Variants in VAV2 observed in about 807,000 individuals in gnomAD.
The protein encoded by VAV2 is vav guanine nucleotide exchange factor 2.
VAV2 carries 67 observed loss-of-function variants against 132.5 expected under a neutral mutation model. The ratio of observed to expected loss-of-function variants is 0.51; its 90% confidence interval spans 0.42 to 0.62. The LOEUF (loss-of-function observed/expected upper bound fraction) is 0.62, where lower values mean the gene tolerates loss of function less well. VAV2 is among the 20% of genes least tolerant of loss of function. VAV2 has a pLI of 0.00. For synonymous variants in VAV2, 492 were observed against 443.5 expected, an observed-to-expected ratio of 1.11 and a Z score of -1.37; for missense variants, 938 against 1,153.6, an observed-to-expected ratio of 0.81 and a Z score of 2.71.
chr9:133,894,965 C>A (rs946809952), intron 2 of VAV2, among the ~76,000 whole-genome samples: 1 of 152,296 alleles, frequency 6.6e-6, no homozygotes, highest in Non-Finnish European at 1.5e-5. Context: ...ATCGGTGTCA[C>A]CGCTGTTGAC....
intron 2 of VAV2, among the ~76,000 whole-genome samples, chr9:133,866,199 T>C (rs879908798): frequency 1.1e-4 from 17 of 152,300 alleles, no homozygotes; most frequent in Admixed American, 1.1e-3. Context: ...CCTCTTTCTG[T>C]CTTTGACATC....
At chr9:133,778,052 G>C (rs1246425696) in intron 22 of VAV2, among the ~76,000 whole-genome samples, 1 of 152,150 alleles carries the variant, frequency 6.6e-6, no homozygotes, top group African/African-American at 2.4e-5. Context: ...CTGGGGGTCT[G>C]AGTCCTTGGC....
At chr9:133,975,218 T>C (rs1443018148) in intron 1 of VAV2, among the ~76,000 whole-genome samples, 1 of 148,912 alleles carries the variant, frequency 6.7e-6, no homozygotes, top group Admixed American at 6.7e-5. Flanking sequence ...ACCCCCGCCA[T>C]GTCCATGGCC....
chr9:133,944,240 G>A (rs571040163), intron 1 of VAV2, among the ~76,000 whole-genome samples: 1 of 152,268 alleles, frequency 6.6e-6, no homozygotes, highest in East Asian at 1.9e-4. Context: ...GCCTATGTGG[G>A]CCCTTCCACT....
Position 133,763,889 on chromosome 9 carries a change from TGA to T in VAV2, c.*171_*172del. The T allele has an allele frequency of 2.6e-6, 2 of 759,558 alleles. No homozygotes were observed. The highest frequency in any genetic ancestry group is 4.3e-6 in the Non-Finnish European group (2 of 463,484). The allele number at this position is 759,558 out of a possible 1,614,324, so 47.1% of individuals were successfully genotyped here. A position where few individuals can be genotyped will look rare whatever the true frequency, so the allele number is the denominator to read the frequency against. ...CAGTGATGGGTCGCCGAGGGCAGGC[TGA>T]CAGTGAAACGGTTCGAGTTTAGGAT... On this transcript the variant is annotated 3_prime_UTR_variant, in exon 30 of 30. Coordinates refer to ENST00000371850, the MANE Select transcript of VAV2 (RefSeq NM_001134398.2). This position sits in a 1 kb window ranked among gnomAD's most constrained non-coding sequence, Gnocchi z 6.8.
chr9:133,797,712 C>T lies in VAV2; in HGVS notation c.934G>A (p.Glu312Lys), dbSNP rs568453790. Residue 312 changes from glutamate (E) to lysine (K), a missense_variant and splice_region_variant, in exon 10 of 30, where the codon GAG (glutamate) becomes AAG (lysine). Coordinates refer to ENST00000371850, the MANE Select transcript of VAV2 (RefSeq NM_001134398.2). ...GGCCAACGCCTGGCAGGACTTACCT[C>T]GACTTTCTGCCTGAAGTCCTCCCGG... ...ASREDFRQKV[E>K]ECTLKVQDGK... 2.5e-5 allele frequency: 41 copies of T among 1,613,610 alleles called. No individual in the cohort carries two copies. The Admixed American group carries it at 2.8e-4, about 11-fold the overall frequency.
rs1410411263 is a variant in VAV2 at position 133,788,333 on chromosome 9, G to A, written c.1407+21C>T. 6.3e-7 allele frequency: 1 copy of A among 1,594,582 alleles called. No individual in the cohort carries two copies. The highest frequency in any genetic ancestry group is 8.6e-7 in the Non-Finnish European group (1 of 1,163,750). ...CCACCCCCACGTTCCTGGGTAGCAG[G>A]GGGGACCCGGAAGGCCCCACCTTCT... On this transcript the variant is annotated intron_variant, in intron 15 of 29. Transcript: ENST00000371850. This position sits in a 1 kb window ranked among gnomAD's most constrained non-coding sequence, Gnocchi z 5.3.
At chr9:133,766,555 T>C (rs978183855) in intron 29 of VAV2, among the ~76,000 whole-genome samples, 2 of 151,276 alleles carry the variant, frequency 1.3e-5, no homozygotes, top group African/African-American at 4.9e-5. Context: ...TTCTCTCTCA[T>C]AGGTGGGAAC....
intron 1 of VAV2, among the ~76,000 whole-genome samples, chr9:133,962,631 C>A (rs1350542337): frequency 1.3e-5 from 2 of 152,208 alleles, no homozygotes; most frequent in Non-Finnish European, 1.5e-5. Context: ...CCCCACCCCC[C>A]ACAAAGCTCC....
intron 5 of VAV2, among the ~76,000 whole-genome samples, chr9:133,811,543 A>G (rs575030342): frequency 4.6e-5 from 7 of 152,266 alleles, no homozygotes; most frequent in Middle Eastern, 3.4e-3. Flanking sequence ...CTGGATCCCC[A>G]CCTTCCACAT....
At chr9:133,908,517 T>G (rs1839758782) in intron 2 of VAV2, among the ~76,000 whole-genome samples, 1 of 143,372 alleles carries the variant, frequency 7.0e-6, no homozygotes, top group Non-Finnish European at 1.5e-5. Flanking sequence ...CCAACTGCAG[T>G]GACCACCCCA....
intron 1 of VAV2, among the ~76,000 whole-genome samples, chr9:133,974,767 G>A (rs1254977942): frequency 4.6e-5 from 7 of 151,602 alleles, no homozygotes; most frequent in African/African-American, 1.7e-4. Flanking sequence ...GATAGGTCAC[G>A]CCCTGCACCC....
chr9:133,946,318 T>C (rs1429797735), intron 1 of VAV2, among the ~76,000 whole-genome samples: 1 of 152,200 alleles, frequency 6.6e-6, no homozygotes, highest in East Asian at 1.9e-4. Context: ...GCCCAGCAAC[T>C]GGGAGGTGAA....
At chr9:133,924,942 C>A (rs963758247) in intron 2 of VAV2, among the ~76,000 whole-genome samples, 1 of 152,226 alleles carries the variant, frequency 6.6e-6, no homozygotes, top group African/African-American at 2.4e-5. Flanking sequence ...TGAAACTTCA[C>A]GCTCAGTGCA....
chr9:133,823,604 T>C lies in VAV2; in HGVS notation c.449+10668A>G, dbSNP rs989594981. On this transcript the variant is annotated intron_variant, in intron 4 of 29. Transcript: ENST00000371850. The surrounding 1 kb of genome is among the most constrained non-coding windows in gnomAD (Gnocchi z 5.5). ...TTCCAGAACAGCACGAGGAGGGCGA[T>C]TTAGAGGGGGAGGGACCTTCATCAG... Among the ~76,000 whole-genome samples the C allele has an allele frequency of 3.9e-5, 6 of 152,100 alleles. No homozygotes were observed. Among genetic ancestry groups the C allele is most frequent in the Non-Finnish European group, 7.4e-5 (5 of 68,014 alleles).
intron 2 of VAV2, among the ~76,000 whole-genome samples, chr9:133,909,560 G>A (rs572316910): frequency 5.9e-5 from 9 of 152,264 alleles, no homozygotes; most frequent in Admixed American, 2.0e-4. Flanking sequence ...CTGCAGGTTC[G>A]CGAGGATGGA....
At chr9:133,869,665 G>A (rs921307667) in intron 2 of VAV2, among the ~76,000 whole-genome samples, 2 of 152,184 alleles carry the variant, frequency 1.3e-5, no homozygotes, top group African/African-American at 4.8e-5. Context: ...TGGCGACCAT[G>A]TGATGAGCCA....
chr9:133,954,569 G>C (rs1166918039), intron 1 of VAV2, among the ~76,000 whole-genome samples: 3 of 152,254 alleles, frequency 2.0e-5, no homozygotes, highest in African/African-American at 7.2e-5. Flanking sequence ...AGGCTGGGGG[G>C]AGCGGGAGCT....
At chr9:133,941,614 G>T (rs1049635925) in intron 1 of VAV2, among the ~76,000 whole-genome samples, 549 of 16,656 alleles carry the variant, frequency 0.033, 7 homozygotes, top group African/African-American at 0.076. Flanking sequence ...TTTTTGGGGG[G>T]GGGGGGGGAC....
Sources: allele counts gnomAD v4.1 joint callset (sites outside exome capture counted in the v4.1 genomes callset), GRCh38; gene constraint gnomAD v4.1.1; non-coding constraint Gnocchi (gnomAD v3.1); transcripts MANE v1.5; gene names NCBI Gene and HGNC (gene_info 2026-07-23, HGNC 2026-07-21).